Variants in MAPK4 observed in about 807,000 individuals in gnomAD.
MAPK4 encodes the protein Erk3-related.
MAPK4 carries 22 observed loss-of-function variants against 47.7 expected under a neutral mutation model. That is an observed-to-expected ratio of 0.46 (90% confidence interval 0.33 to 0.66). MAPK4 has a LOEUF of 0.66. Among genes scored for constraint, MAPK4 ranks in the 30% least tolerant of loss-of-function variants. The pLI, the probability that MAPK4 is intolerant of heterozygous loss-of-function variation, is 0.02. For synonymous variants in MAPK4, 390 were observed against 365.7 expected, an observed-to-expected ratio of 1.07 and a Z score of -0.76; for missense variants, 736 against 831.7, an observed-to-expected ratio of 0.88 and a Z score of 1.42.
chr18:50,559,979 CG>C (rs2042136626), upstream of MAPK4: 1 of 149,448 alleles, frequency 6.7e-6, no homozygotes, highest in Non-Finnish European at 1.5e-5. Context: ...GGCTCCCCAG[CG>C]CCACCGCCGC....
chr18:50,579,660 A>G (rs543462029), intron 1 of MAPK4, among the ~76,000 whole-genome samples: 2 of 152,286 alleles, frequency 1.3e-5, no homozygotes, highest in South Asian at 2.1e-4. Flanking sequence ...CCCACCTCCC[A>G]GGCCTATTCC....
chr18:50,689,637 G>A (rs974411535), intron 2 of MAPK4, among the ~76,000 whole-genome samples: 2 of 152,126 alleles, frequency 1.3e-5, no homozygotes, highest in African/African-American at 2.4e-5. Context: ...GGTAGCTCAC[G>A]CCTGTAATCC....
intron 2 of MAPK4, among the ~76,000 whole-genome samples, chr18:50,690,193 A>G (rs565919910): frequency 6.6e-6 from 1 of 152,338 alleles, no homozygotes; most frequent in Admixed American, 6.5e-5. Flanking sequence ...CTCCCTGGCC[A>G]GAAGCTCTGG....
intron 1 of MAPK4, among the ~76,000 whole-genome samples, chr18:50,600,520 C>T (rs1408707497): frequency 6.6e-6 from 1 of 152,146 alleles, no homozygotes. Context: ...GGTGGCTTCT[C>T]TACCTATAGA....
chr18:50,577,190 C>A (rs2042305132), intron 1 of MAPK4, among the ~76,000 whole-genome samples: 1 of 152,132 alleles, frequency 6.6e-6, no homozygotes, highest in South Asian at 2.1e-4. Flanking sequence ...AGTTTGGGAA[C>A]CAATGGTATG....
intron 1 of MAPK4, among the ~76,000 whole-genome samples, chr18:50,662,658 C>T (rs1171336354): frequency 6.6e-6 from 1 of 152,214 alleles, no homozygotes; most frequent in Non-Finnish European, 1.5e-5. Context: ...GAAAAGGAAC[C>T]CAAGTGCAAA....
intron 1 of MAPK4, among the ~76,000 whole-genome samples, chr18:50,575,792 C>CAAAAAAAAAAAAA (rs540138636): frequency 1.4e-5 from 1 of 70,128 alleles, no homozygotes; most frequent in African/African-American, 5.7e-5. Flanking sequence ...AATCAACAAG[C>CAAAAAAAAAAAAA]AAAAAAAAAA....
rs368459693 is a variant in MAPK4, at chr18:50,626,744, A to T, written c.-870-36345A>T. On this transcript the variant is annotated intron_variant, in intron 1 of 5. Transcript: ENST00000400384. The stretch of plus-strand genomic sequence containing the variant: ...TCTCCAGCAGATGTGCTTCATCCAA[A>T]TCCTCAGCATGAACACAGCTTGTCC... Among the ~76,000 whole-genome samples the T allele has an allele frequency of 1.7e-4, 26 of 152,210 alleles. No homozygotes were observed. In the South Asian group the frequency reaches 5.0e-3, roughly 29 times the overall value.
intron 2 of MAPK4, among the ~76,000 whole-genome samples, chr18:50,680,554 C>T (rs1291477938): frequency 6.6e-6 from 1 of 151,994 alleles, no homozygotes; most frequent in African/African-American, 2.4e-5. Flanking sequence ...AAACATCATC[C>T]CATCCCCCTT....
intron 1 of MAPK4, among the ~76,000 whole-genome samples, chr18:50,630,987 C>G (rs955790703): frequency 6.6e-6 from 1 of 152,200 alleles, no homozygotes; most frequent in Admixed American, 6.5e-5. Flanking sequence ...TTTTACTACT[C>G]CCTAAAATTT....
chr18:50,689,851 A>T (rs759881311), intron 2 of MAPK4, among the ~76,000 whole-genome samples: 4 of 152,236 alleles, frequency 2.6e-5, no homozygotes, highest in Non-Finnish European at 4.4e-5. Context: ...CAAATTTGAC[A>T]TGAAGTCTAT....
intron 2 of MAPK4, among the ~76,000 whole-genome samples, chr18:50,690,047 A>G (rs764187480): frequency 6.1e-4 from 93 of 152,148 alleles, no homozygotes; most frequent in Non-Finnish European, 1.2e-3. Context: ...CAGTATAGGC[A>G]GGAAGAGTTT....
intron 1 of MAPK4, among the ~76,000 whole-genome samples, chr18:50,650,010 T>C (rs1201078905): frequency 2.0e-5 from 3 of 152,148 alleles, no homozygotes; most frequent in African/African-American, 7.2e-5. Flanking sequence ...CCCAGTGAAA[T>C]AACTACACTG....
intron 2 of MAPK4, among the ~76,000 whole-genome samples, chr18:50,695,032 G>A (rs1310990989): frequency 6.6e-6 from 1 of 152,130 alleles, no homozygotes; most frequent in Non-Finnish European, 1.5e-5. Context: ...AGAAGCTGAT[G>A]ATTGAACCGG....
intron 1 of MAPK4, among the ~76,000 whole-genome samples, chr18:50,636,794 C>T (rs77525056): frequency 3.9e-5 from 6 of 152,170 alleles, no homozygotes; most frequent in Non-Finnish European, 8.8e-5. Context: ...TACTCTTTTT[C>T]ACTTTGGACG....
intron 1 of MAPK4, among the ~76,000 whole-genome samples, chr18:50,607,153 A>G (rs1331706232): frequency 6.6e-6 from 1 of 152,192 alleles, no homozygotes; most frequent in African/African-American, 2.4e-5. Context: ...GACATTTAAT[A>G]AACACTTACT....
chr18:50,674,062 T>A lies in MAPK4; in HGVS notation c.546+9558T>A, dbSNP rs369441983. 8.2e-4 allele frequency among the ~76,000 whole-genome samples: 125 copies of A among 152,230 alleles called. 2 individuals are homozygous for A. In the South Asian group the frequency reaches 0.016, roughly 19 times the overall value. On this transcript the variant is annotated intron_variant, in intron 2 of 5. Coordinates refer to ENST00000400384, the MANE Select transcript of MAPK4 (RefSeq NM_002747.4). Reference sequence around the variant, plus strand: ...TGGGAGGGCCTCGGTGCATAAGTGTTGAATAATGAGCTCCTCCTTCCTTTT... The same window carrying A: ...TGGGAGGGCCTCGGTGCATAAGTGTAGAATAATGAGCTCCTCCTTCCTTTT...
rs183692158 is a variant in MAPK4, at chr18:50,726,058, G to A, written c.950G>A (p.Cys317Tyr). 2.6e-5 allele frequency: 42 copies of A among 1,614,064 alleles called. 1 individual carries two copies. The highest frequency in any genetic ancestry group is 1.6e-4 in the Middle Eastern group (1 of 6,062). The change falls in exon 5 of 6, where the codon TGC becomes TAC. Residue 317 changes from cysteine to tyrosine, a missense_variant. Physicochemically the swap from Cys to Tyr is radical, Grantham distance 194 (BLOSUM62 -2). Around this residue, in one of 3 missense-constraint regions of MAPK4, gnomAD observed 32 missense variants for 57.7 expected, o/e 0.55. Coordinates refer to ENST00000400384, the MANE Select transcript of MAPK4 (RefSeq NM_002747.4). Reference sequence around the variant, plus strand: ...CACCCCTACATGAGCCCATACTCGTGCCCTGAGGACGAGCCCACCTCACAA... The same window carrying A: ...CACCCCTACATGAGCCCATACTCGTACCCTGAGGACGAGCCCACCTCACAA... ...LQHPYMSPYSCPEDEPTSQHP... is the reference protein window; with the variant it reads ...LQHPYMSPYSYPEDEPTSQHP...
At chr18:50,670,617 C>T (rs1011783561) in intron 2 of MAPK4, among the ~76,000 whole-genome samples, 5 of 152,050 alleles carry the variant, frequency 3.3e-5, no homozygotes, top group East Asian at 3.9e-4. Flanking sequence ...ATTAGCCAGG[C>T]GTGGTGGTGT....
Sources: gnomAD v4.1 joint callset for allele counts (sites outside exome capture counted in the v4.1 genomes callset) on GRCh38, gnomAD v4.1.1 for gene constraint, gnomAD v4.1.1 regional missense constraint, MANE v1.5 for transcripts, NCBI Gene and HGNC (gene_info 2026-07-23, HGNC 2026-07-21) for gene names.